ADAM22: variants seen among roughly 807,000 people sequenced by gnomAD.
ADAM22 encodes the protein disintegrin and metalloproteinase domain-containing protein 22.
A neutral mutation model predicts 144.6 loss-of-function variants in ADAM22; 65 were observed. The observed-to-expected ratio is 0.45, with a 90% confidence interval of 0.37 to 0.55. The LOEUF (loss-of-function observed/expected upper bound fraction) is 0.55, where lower values mean the gene tolerates loss of function less well. Among genes scored for constraint, ADAM22 ranks in the 20% least tolerant of loss-of-function variants. The pLI, the probability that ADAM22 is intolerant of heterozygous loss-of-function variation, is 0.00. For synonymous variants in ADAM22, 391 were observed against 412.6 expected, an observed-to-expected ratio of 0.95 and a Z score of 0.63; for missense variants, 974 against 1,184.9, an observed-to-expected ratio of 0.82 and a Z score of 2.61.
chr7:88,043,548 G>GA (rs1585208163), intron 3 of ADAM22, among the ~76,000 whole-genome samples: 4 of 150,450 alleles, frequency 2.7e-5, no homozygotes, highest in Admixed American at 2.0e-4. Context: ...CCATATTATA[G>GA]AAAATGTATG....
chr7:88,200,440 C>T lies in ADAM22; in HGVS notation c.*3949C>T, dbSNP rs1002866471. 20 of 152,202 alleles carry T rather than the reference C, an allele frequency of 1.3e-4. No individual in the cohort carries two copies. The highest frequency in any genetic ancestry group is 4.3e-4 in the African/African-American group (18 of 41,450). The allele number at this position is 152,202 out of a possible 1,614,324, so 9.4% of individuals were successfully genotyped here. ...CGAGGAGGGACAAGACAGCTGCCTG[C>T]ACAGTCTGATAGGACACATCTGGCT... is the stretch of plus-strand genomic sequence containing the variant. On this transcript the variant is annotated 3_prime_UTR_variant, in exon 32 of 32. Transcript: ENST00000413139.
At chr7:88,054,064 G>A (rs139733846) in intron 3 of ADAM22, among the ~76,000 whole-genome samples, 117 of 152,246 alleles carry the variant, frequency 7.7e-4, no homozygotes, top group African/African-American at 2.7e-3. Flanking sequence ...CCAGGGAGGT[G>A]AAGGTTGCAG....
chr7:88,172,060 G>A (rs1453037626), intron 26 of ADAM22, among the ~76,000 whole-genome samples: 1 of 151,778 alleles, frequency 6.6e-6, no homozygotes, highest in Non-Finnish European at 1.5e-5. Flanking sequence ...TCGTGAGCCT[G>A]TTTATCTCTG....
At chr7:88,063,905 T>C (rs1810529141) in intron 3 of ADAM22, among the ~76,000 whole-genome samples, 1 of 152,166 alleles carries the variant, frequency 6.6e-6, no homozygotes, top group Non-Finnish European at 1.5e-5. Context: ...TAAAATAAAT[T>C]AACATCATGC....
intron 4 of ADAM22, among the ~76,000 whole-genome samples, chr7:88,088,350 A>G (rs906557717): frequency 2.0e-5 from 3 of 152,064 alleles, no homozygotes; most frequent in Non-Finnish European, 4.4e-5. Context: ...GCACAATACC[A>G]TCTCCCAGCA....
chr7:88,143,263 A>T (rs937291642), intron 15 of ADAM22, 138 bp downstream of exon 15: 1 of 501,112 alleles, frequency 2.0e-6, no homozygotes, highest in African/African-American at 2.0e-5. Flanking sequence ...TATGCTATAT[A>T]TCTGCATATT....
intron 3 of ADAM22, among the ~76,000 whole-genome samples, chr7:88,049,936 G>A (rs1168426077): frequency 6.6e-6 from 1 of 151,884 alleles, no homozygotes. Context: ...AATTAGTAAT[G>A]TTACTTTGTA....
chr7:88,178,399 A>C (rs1213577529), intron 26 of ADAM22, among the ~76,000 whole-genome samples: 1 of 152,178 alleles, frequency 6.6e-6, no homozygotes, highest in Non-Finnish European at 1.5e-5. Flanking sequence ...TAAATGAATA[A>C]TGAAGCTCTA....
At chr7:88,101,748 A>T (rs1342699413) in intron 4 of ADAM22, among the ~76,000 whole-genome samples, 8 of 152,210 alleles carry the variant, frequency 5.3e-5, no homozygotes, top group Non-Finnish European at 4.4e-5. Flanking sequence ...CTCAGGAACT[A>T]GTGTAAGATT....
chr7:88,043,485 A>C lies in ADAM22; in HGVS notation c.324-32141A>C, dbSNP rs902862322. Among the ~76,000 whole-genome samples the C allele has an allele frequency of 7.0e-5, 7 of 99,328 alleles. No individual in the cohort carries two copies. The East Asian group carries it at 2.5e-3, about 36-fold the overall frequency. The allele number at this position is 99,328 out of a possible 152,430, so 65.2% of individuals were successfully genotyped here. On this transcript the variant is annotated intron_variant, in intron 3 of 31. Transcript: ENST00000413139. ...GGGTGACTGAGCGAGGCTCAGTATC[A>C]AAAAAAAAAAAAAAAAGAATATTCT... is the stretch of plus-strand genomic sequence containing the variant.
intron 17 of ADAM22, among the ~76,000 whole-genome samples, chr7:88,147,877 C>T (rs773950031): frequency 6.6e-6 from 1 of 152,126 alleles, no homozygotes; most frequent in Non-Finnish European, 1.5e-5. Context: ...ATTAAATTTT[C>T]TTATTTCCTT....
chr7:88,026,061 T>G (rs1347509304), intron 3 of ADAM22, among the ~76,000 whole-genome samples: 1 of 152,226 alleles, frequency 6.6e-6, no homozygotes, highest in Non-Finnish European at 1.5e-5. Flanking sequence ...TTTAGTTTCT[T>G]TGGTTAATTC....
intron 7 of ADAM22, among the ~76,000 whole-genome samples, chr7:88,120,185 T>TA (rs1326801027): frequency 3.3e-5 from 5 of 151,996 alleles, no homozygotes; most frequent in African/African-American, 7.3e-5. Context: ...TATATATATA[T>TA]TTTTTATTAT....
chr7:88,151,561 C>T (rs929226999), intron 20 of ADAM22, among the ~76,000 whole-genome samples: 15 of 152,148 alleles, frequency 9.9e-5, no homozygotes, highest in African/African-American at 3.6e-4. Context: ...CCTTTGCTGC[C>T]AGGCAGATGG....
At chr7:88,091,284 A>C (rs960518475) in intron 4 of ADAM22, among the ~76,000 whole-genome samples, 1 of 152,150 alleles carries the variant, frequency 6.6e-6, no homozygotes, top group African/African-American at 2.4e-5. Flanking sequence ...TTTTTAGTTA[A>C]TGACACTCAT....
rs1554373733 is a variant in ADAM22 at position 87,982,701 on chromosome 7, T to TATAA, written c.323+4289_323+4290insATAA. On this transcript the variant is annotated intron_variant, in intron 3 of 31. Coordinates refer to ENST00000413139, the MANE Select transcript of ADAM22 (RefSeq NM_001324418.2). ...TATATATATATATATATATATATAATTTTTTTTTTTGAGATACAGTTTTGC... is the reference window on the plus strand; with the variant it reads ...TATATATATATATATATATATATAATATAATTTTTTTTTTGAGATACAGTTTTGC... 7.3e-3 allele frequency among the ~76,000 whole-genome samples: 247 copies of TATAA among 33,756 alleles called. 8 individuals carry two copies. The highest frequency in any genetic ancestry group is 0.017 in the African/African-American group (130 of 7,672). The allele number at this position is 33,756 out of a possible 152,430, so 22.1% of individuals were successfully genotyped here.
chr7:88,108,741 G>T (rs55849015), intron 5 of ADAM22, among the ~76,000 whole-genome samples: 12,244 of 57,598 alleles, frequency 0.21, 1,057 homozygotes, highest in African/African-American at 0.39. Context: ...AAAAAATAAA[G>T]AAAGAAAGAA....
Position 88,196,574 on chromosome 7 carries a change from C to A in ADAM22, c.*83C>A. The A allele has an allele frequency of 7.0e-7, 1 of 1,431,814 alleles. No homozygotes were observed. The highest frequency in any genetic ancestry group is 9.8e-7 in the Non-Finnish European group (1 of 1,016,758). 88.7% of individuals were successfully genotyped at this position (1,431,814 alleles called of 1,614,324 possible). On this transcript the variant is annotated 3_prime_UTR_variant, in exon 32 of 32. Coordinates refer to ENST00000413139, the MANE Select transcript of ADAM22 (RefSeq NM_001324418.2). ...CCAGGCTCATGGAATCACTGCAAATCTATCTGCTCTTCAGACAATACGAAG... is the reference window on the plus strand; with the variant it reads ...CCAGGCTCATGGAATCACTGCAAATATATCTGCTCTTCAGACAATACGAAG...
chr7:87,964,027 T>A (rs1848543924), intron 2 of ADAM22, among the ~76,000 whole-genome samples: 1 of 152,214 alleles, frequency 6.6e-6, no homozygotes, highest in African/African-American at 2.4e-5. Context: ...GAGCTAAGGG[T>A]AGTCTTCATG....
Sources: gnomAD v4.1 joint callset for allele counts (sites outside exome capture counted in the v4.1 genomes callset) on GRCh38, gnomAD v4.1.1 for gene constraint, MANE v1.5 for transcripts, NCBI Gene and HGNC (gene_info 2026-07-23, HGNC 2026-07-21) for gene names.